Variants in IQGAP3 observed in about 807,000 individuals in gnomAD.
The protein encoded by IQGAP3 is IQ motif containing GTPase activating protein 3, also known as ras GTPase-activating-like protein IQGAP3.
In IQGAP3, 165 loss-of-function variants were observed where a neutral mutation model predicts 208.2. That is an observed-to-expected ratio of 0.79 (90% CI 0.70 to 0.90). The LOEUF (loss-of-function observed/expected upper bound fraction) is 0.90, where lower values mean the gene tolerates loss of function less well. IQGAP3 is among the 40% of genes least tolerant of loss of function. The pLI is 0.00. For synonymous variants in IQGAP3, 703 were observed against 803.6 expected, an observed-to-expected ratio of 0.87 and a Z score of 2.12; for missense variants, 1,811 against 2,043.1, an observed-to-expected ratio of 0.89 and a Z score of 2.19.
intron 3 of IQGAP3, 49 bp downstream of exon 3, chr1:156,566,341 A>C (rs4382715): frequency 6.3e-7 from 1 of 1,583,610 alleles, no homozygotes; most frequent in Non-Finnish European, 8.7e-7. Flanking sequence ...TTGAGGAGAA[A>C]GCATAGTTTG....
At chr1:156,544,537 G>T in intron 19 of IQGAP3, 65 bp from the exon 20 acceptor site, 1 of 1,379,296 alleles carries the variant, frequency 7.3e-7, no homozygotes, top group Non-Finnish European at 1.0e-6. Context: ...AGGCTTTTAA[G>T]AAAATCTTTG....
chr1:156,545,170 C>G (rs1675176699), intron 19 of IQGAP3, among the ~76,000 whole-genome samples: 1 of 152,188 alleles, frequency 6.6e-6, no homozygotes, highest in Non-Finnish European at 1.5e-5. Flanking sequence ...AAGGGCCCAA[C>G]CGACGTCTGC....
At chr1:156,544,103 C>T in intron 21 of IQGAP3, 49 bp downstream of exon 21, 2 of 1,613,396 alleles carry the variant, frequency 1.2e-6, no homozygotes, top group Middle Eastern at 1.7e-4. Context: ...GCTCTAGTCT[C>T]ATGGGCAAAG....
chr1:156,541,441 C>G (rs1020010758), intron 22 of IQGAP3, among the ~76,000 whole-genome samples: 3 of 152,110 alleles, frequency 2.0e-5, no homozygotes, highest in Non-Finnish European at 2.9e-5. Flanking sequence ...TCAGAGCTAG[C>G]TGGTGATTCT....
chr1:156,538,736 A>G (rs1251828312), intron 26 of IQGAP3, 73 bp downstream of exon 26: 10 of 1,307,486 alleles, frequency 7.6e-6, no homozygotes, highest in African/African-American at 1.5e-5. Context: ...AAGCTTCCCC[A>G]GTAGGGTCCA....
intron 2 of IQGAP3, among the ~76,000 whole-genome samples, chr1:156,567,052 A>G (rs1363929019): frequency 3.3e-5 from 5 of 151,940 alleles, no homozygotes; most frequent in Admixed American, 6.6e-5. Context: ...TTTTTAGTAG[A>G]GATAGGGTTT....
rs769161435 is a variant in IQGAP3 at position 156,563,118 on chromosome 1, C to A, written c.798+16G>T. ...ACTCAACTTTTCGGTCCCTGCAACC[C>A]AAGACTACTCCTTACATGGTTCCTG... On this transcript the variant is annotated intron_variant, in intron 8 of 37. Transcript: ENST00000361170. 2 of 1,564,020 alleles carry A rather than the reference C, an allele frequency of 1.3e-6. No individual in the cohort carries two copies. The highest frequency in any genetic ancestry group is 1.2e-5 in the South Asian group (1 of 85,148).
At chr1:156,566,250 G>T in intron 3 of IQGAP3, 140 bp downstream of exon 3, 1 of 1,216,406 alleles carries the variant, frequency 8.2e-7, no homozygotes, top group Non-Finnish European at 1.2e-6. Flanking sequence ...TCCCTACCAG[G>T]ACAGAGAAAC....
At position 156,540,833 on chromosome 1, in the gene IQGAP3, C is replaced by A; in HGVS notation, c.2614G>T (p.Ala872Ser). 1.9e-6 allele frequency: 3 copies of A among 1,614,112 alleles called. No individual in the cohort carries two copies. In the South Asian group the frequency reaches 3.3e-5, roughly 18 times the overall value. The change falls in exon 23 of 38, where the codon GCA (alanine) becomes TCA (serine). Residue 872 changes from alanine to serine, a missense_variant. Ala to Ser is a moderately conservative substitution (Grantham distance 99). Coordinates refer to ENST00000361170, the MANE Select transcript of IQGAP3 (RefSeq NM_178229.5). Reference sequence around the variant, plus strand: ...TCTTCCTGGAGCTTCAGCAGCTCTGCCTCAGCCAAGAAGTCTTGCTGGCTT... The same window carrying A: ...TCTTCCTGGAGCTTCAGCAGCTCTGACTCAGCCAAGAAGTCTTGCTGGCTT... ...NQSQQDFLAE[A>S]ELLKLQEEVV...
intron 31 of IQGAP3, 75 bp from the exon 32 acceptor site, chr1:156,533,181 ATG>A: frequency 6.5e-7 from 1 of 1,548,326 alleles, no homozygotes; most frequent in Non-Finnish European, 8.9e-7. Flanking sequence ...ACACACACAC[ATG>A]CACCGATGGG....
intron 22 of IQGAP3, among the ~76,000 whole-genome samples, chr1:156,542,760 G>A (rs900656675): frequency 6.6e-6 from 1 of 152,002 alleles, no homozygotes; most frequent in African/African-American, 2.4e-5. Flanking sequence ...GGCAAAATGG[G>A]GAGACCCCCA....
chr1:156,537,109 G>C, intron 27 of IQGAP3, 72 bp downstream of exon 27: 4 of 1,515,056 alleles, frequency 2.6e-6, no homozygotes, highest in Admixed American at 3.5e-5. Flanking sequence ...CTATCACCCT[G>C]CTCTGCTCCC....
At position 156,548,757 on chromosome 1, in the gene IQGAP3, G is replaced by A. The variant is rs370223243; in HGVS notation, c.1826-9C>T. 4.5e-6 allele frequency: 7 copies of A among 1,555,096 alleles called. No individual in the cohort carries two copies. The highest frequency in any genetic ancestry group is 4.3e-6 in the Non-Finnish European group (5 of 1,149,432). The stretch of plus-strand genomic sequence containing the variant: ...AGCCACACCAAGAGCCACTGACAGG[G>A]GCATCAGGAGAGAGCAGTCAATCCT... On this transcript the variant is annotated splice_polypyrimidine_tract_variant and intron_variant, in intron 16 of 37. Transcript: ENST00000361170.
At position 156,544,375 on chromosome 1, in the gene IQGAP3, A is replaced by G; in HGVS notation, c.2388+14T>C. Reference sequence around the variant, plus strand: ...CTTTGAGAGAAAGGAGCCTGCCAAAACCACCGTAGCTACCTTGATTATGGC... The same window carrying G: ...CTTTGAGAGAAAGGAGCCTGCCAAAGCCACCGTAGCTACCTTGATTATGGC... On this transcript the variant is annotated intron_variant, in intron 20 of 37. Transcript: ENST00000361170. The G allele has an allele frequency of 6.2e-7, 1 of 1,609,912 alleles. No individual in the cohort carries two copies. The highest frequency in any genetic ancestry group is 8.5e-7 in the Non-Finnish European group (1 of 1,176,240).
chr1:156,545,336 G>C (rs1054687602), intron 19 of IQGAP3, among the ~76,000 whole-genome samples: 1 of 152,022 alleles, frequency 6.6e-6, no homozygotes, highest in African/African-American at 2.4e-5. Flanking sequence ...GTTTCCAGAA[G>C]TTCTCAACCA....
At chr1:156,538,076 T>G (rs1674789882) in intron 26 of IQGAP3, among the ~76,000 whole-genome samples, 2 of 151,854 alleles carry the variant, frequency 1.3e-5, no homozygotes, top group Non-Finnish European at 2.9e-5. Context: ...ATTTTTTATT[T>G]TTGAGACAGA....
In IQGAP3 at chr1:156,528,972, A is replaced by G. The variant is rs1674249290; in HGVS notation, c.4515T>C (p.Gly1505=). Residue 1505 remains glycine, a synonymous_variant, in exon 35 of 38, where the codon GGT becomes GGC. Transcript: ENST00000361170. ...CCCGGATGTACTGGCTGTAGTAGTC[A>G]CCCTGCTCCTCATAGAAGGTGGTCT... ...STKTTFYEEQ[G]DYYSQYIRAC... 2 of 1,614,178 alleles carry G rather than the reference A, an allele frequency of 1.2e-6. No homozygotes were observed. The highest frequency in any genetic ancestry group is 1.7e-6 in the Non-Finnish European group (2 of 1,180,032).
Position 156,526,473 on chromosome 1 carries a change from C to T in IQGAP3, c.*13G>A, listed in dbSNP as rs762295512. ...AGAGGTAAGAGGGGCTTGGGTAGCA[C>T]CCTTTGCCTCTGTCACTTCCGCAAA... On this transcript the variant is annotated 3_prime_UTR_variant, in exon 38 of 38. Transcript: ENST00000361170. 5 of 1,553,120 alleles carry T rather than the reference C, an allele frequency of 3.2e-6. No homozygotes were observed. In the South Asian group the frequency reaches 5.6e-5, roughly 17 times the overall value.
chr1:156,561,816 C>A (rs1370364097), intron 10 of IQGAP3, 22 bp downstream of exon 10: 1 of 1,611,846 alleles, frequency 6.2e-7, no homozygotes, highest in Non-Finnish European at 8.5e-7. Flanking sequence ...CAGGGGGTGG[C>A]AGGTAATAGA....
Sources: gnomAD v4.1 joint callset for allele counts (sites outside exome capture counted in the v4.1 genomes callset) on GRCh38, gnomAD v4.1.1 for gene constraint, MANE v1.5 for transcripts, NCBI Gene and HGNC (gene_info 2026-07-23, HGNC 2026-07-21) for gene names.